XKR9: variants seen among roughly 807,000 people sequenced by gnomAD.
XKR9 encodes the protein XK-related protein 9.
Under a neutral mutation model 32.0 loss-of-function variants are expected in XKR9, and 32 were observed. That is an observed-to-expected ratio of 1.00 (90% CI 0.76 to 1.34). XKR9 has a LOEUF of 1.34. Among genes scored for constraint, XKR9 ranks in the 40% most tolerant of loss-of-function variants. The probability of loss-of-function intolerance (pLI) is 0.00; values close to 1 mark genes in which losing one functional copy is unlikely to be tolerated. For missense variants in XKR9, 546 were observed against 429.7 expected (o/e 1.27, Z -2.39); for synonymous variants, 168 against 143.4 (o/e 1.17, Z -1.22).
At chr8:70,812,331 T>C in the XKR9 span, among the ~76,000 whole-genome samples, 470 of 152,244 alleles carry the variant, frequency 3.1e-3, 3 homozygotes, top group African/African-American at 0.011. Context: ...CCACAGCCAA[T>C]ATCAGACTGA....
chr8:70,755,674 C>T (rs1417708256), intron 2 of XKR9, among the ~76,000 whole-genome samples: 1 of 150,376 alleles, frequency 6.6e-6, no homozygotes, highest in Non-Finnish European at 1.5e-5. Context: ...AAACCAAACA[C>T]CGCATGTTCT....
the XKR9 span, among the ~76,000 whole-genome samples, chr8:70,954,194 A>C: frequency 6.6e-6 from 1 of 152,046 alleles, no homozygotes; most frequent in African/African-American, 2.4e-5. Context: ...CTGCCTGACC[A>C]CATCTGGATT....
At chr8:70,739,754 T>A (rs1180392927), downstream of XKR9, among the ~76,000 whole-genome samples, 17 of 152,224 alleles carry the variant, frequency 1.1e-4, no homozygotes, top group African/African-American at 4.1e-4. Flanking sequence ...TATGAAATTC[T>A]GGGTTGAAAA....
chr8:70,685,765 AG>A, intron 3 of XKR9, among the ~76,000 whole-genome samples: 1 of 145,254 alleles, frequency 6.9e-6, no homozygotes, highest in East Asian at 2.1e-4. Context: ...GGATAGCATT[AG>A]GAGATATACC....
the XKR9 span, among the ~76,000 whole-genome samples, chr8:70,924,259 A>C: frequency 3.3e-5 from 5 of 151,730 alleles, no homozygotes; most frequent in African/African-American, 1.2e-4. Context: ...TCTCTCCTCA[A>C]CCCTGTCTCC....
chr8:70,765,203 C>A (rs146174365), intron 2 of XKR9, among the ~76,000 whole-genome samples: 63 of 152,250 alleles, frequency 4.1e-4, no homozygotes, highest in African/African-American at 1.2e-3. Flanking sequence ...ATTTACACTC[C>A]CACCAACAGT....
the XKR9 span, among the ~76,000 whole-genome samples, chr8:70,909,618 G>A: frequency 6.6e-6 from 1 of 151,276 alleles, no homozygotes; most frequent in East Asian, 1.9e-4. Context: ...ACTCCAGCCT[G>A]TGTGACAGAG....
chr8:70,786,511 T>C (rs1807690248), intron 2 of XKR9, among the ~76,000 whole-genome samples: 1 of 152,144 alleles, frequency 6.6e-6, no homozygotes, highest in South Asian at 2.1e-4. Context: ...ATTGACCCAT[T>C]TATCATTACA....
the XKR9 span, among the ~76,000 whole-genome samples, chr8:71,038,803 A>AT: frequency 0.02 from 2,413 of 119,250 alleles, 44 homozygotes; most frequent in East Asian, 0.047. Flanking sequence ...TTGGATGCTG[A>AT]TTTTTTTTTT....
chr8:70,847,983 C>CT, the XKR9 span, among the ~76,000 whole-genome samples: 6 of 152,072 alleles, frequency 3.9e-5, no homozygotes, highest in Admixed American at 3.9e-4. Context: ...CAACACTACT[C>CT]TGATACCAAA....
the XKR9 span, among the ~76,000 whole-genome samples, chr8:70,954,318 G>A: frequency 6.6e-6 from 1 of 152,072 alleles, no homozygotes; most frequent in South Asian, 2.1e-4. Flanking sequence ...TTTTAAGGAG[G>A]GCTAGGACTG....
chr8:70,762,299 C>T (rs1807319755), intron 2 of XKR9, among the ~76,000 whole-genome samples: 1 of 152,082 alleles, frequency 6.6e-6, no homozygotes, highest in Non-Finnish European at 1.5e-5. Context: ...CCTCTTTTTC[C>T]AGCCCCTGGT....
chr8:70,751,270 C>T (rs548777152), intron 2 of XKR9, among the ~76,000 whole-genome samples: 2 of 152,280 alleles, frequency 1.3e-5, no homozygotes, highest in South Asian at 2.1e-4. Flanking sequence ...GCTGGGATTA[C>T]AGGCACCTGC....
At chr8:70,867,639 A>G in the XKR9 span, among the ~76,000 whole-genome samples, 1 of 151,996 alleles carries the variant, frequency 6.6e-6, no homozygotes, top group Non-Finnish European at 1.5e-5. Flanking sequence ...TTTAGTAGAG[A>G]CGGGATTTCA....
the XKR9 span, among the ~76,000 whole-genome samples, chr8:71,007,814 G>T: frequency 6.6e-6 from 1 of 152,006 alleles, no homozygotes. Flanking sequence ...TTTGTGTTAT[G>T]CAGTTTCTCT....
intron 2 of XKR9, among the ~76,000 whole-genome samples, chr8:70,676,624 A>G (rs189796638): frequency 1.1e-3 from 164 of 152,336 alleles, no homozygotes; most frequent in Non-Finnish European, 5.4e-4. Context: ...GGATATTACC[A>G]TATTAGATTA....
intron 3 of XKR9, among the ~76,000 whole-genome samples, chr8:70,684,518 A>C (rs951589162): frequency 2.6e-5 from 4 of 152,100 alleles, no homozygotes; most frequent in South Asian, 4.1e-4. Flanking sequence ...ATTATTTTGA[A>C]CTGTTATCTG....
the XKR9 span, among the ~76,000 whole-genome samples, chr8:71,042,540 A>C: frequency 6.6e-6 from 1 of 152,184 alleles, no homozygotes; most frequent in Non-Finnish European, 1.5e-5. Context: ...GATTTCATTC[A>C]CATTAAGTGT....
At chr8:70,915,775 A>G in the XKR9 span, among the ~76,000 whole-genome samples, 1 of 152,196 alleles carries the variant, frequency 6.6e-6, no homozygotes, top group African/African-American at 2.4e-5. Flanking sequence ...TGAGATGGGT[A>G]TTCAGAGGAC....
Sources: allele counts gnomAD v4.1 joint callset (sites outside exome capture counted in the v4.1 genomes callset), GRCh38; gene constraint gnomAD v4.1.1; transcripts MANE v1.5; gene names NCBI Gene and HGNC (gene_info 2026-07-23, HGNC 2026-07-21).